PRKN: variants seen among roughly 807,000 people sequenced by gnomAD.
PRKN encodes the protein E3 ubiquitin-protein ligase parkin.
Under a neutral mutation model 59.5 loss-of-function variants are expected in PRKN, and 56 were observed. The ratio of observed to expected loss-of-function variants is 0.94; its 90% CI spans 0.76 to 1.18. The LOEUF (loss-of-function observed/expected upper bound fraction) is 1.18, where lower values mean the gene tolerates loss of function less well. Among genes scored for constraint, PRKN ranks in the 50% most tolerant of loss-of-function variants. The pLI, the probability that PRKN is intolerant of heterozygous loss-of-function variation, is 0.00. For missense variants in PRKN, 657 were observed against 596.4 expected (o/e 1.10, Z -1.06); for synonymous variants, 250 against 222.1 (o/e 1.13, Z -1.12).
chr6:161,934,785 C>T (rs1037539608), intron 6 of PRKN, among the ~76,000 whole-genome samples: 2 of 152,104 alleles, frequency 1.3e-5, no homozygotes, highest in African/African-American at 4.8e-5. Context: ...GTAAAACAAT[C>T]TCCTCTGACA....
intron 9 of PRKN, among the ~76,000 whole-genome samples, chr6:161,515,032 G>A (rs904982244): frequency 2.0e-5 from 3 of 152,162 alleles, no homozygotes; most frequent in Non-Finnish European, 4.4e-5. Flanking sequence ...GCATAAAAGC[G>A]ACTCTATACA....
At chr6:162,371,814 C>T (rs1437032240) in intron 2 of PRKN, among the ~76,000 whole-genome samples, 3 of 152,166 alleles carry the variant, frequency 2.0e-5, no homozygotes, top group Non-Finnish European at 4.4e-5. Context: ...TATGTTTCTT[C>T]ACCTCCCCTT....
At chr6:161,748,500 A>C (rs1788532821) in intron 7 of PRKN, among the ~76,000 whole-genome samples, 1 of 152,138 alleles carries the variant, frequency 6.6e-6, no homozygotes, top group South Asian at 2.1e-4. Context: ...TTTGGCTCAG[A>C]AAATCACCTC....
intron 5 of PRKN, among the ~76,000 whole-genome samples, chr6:161,993,242 A>T (rs1781718780): frequency 6.6e-6 from 1 of 152,096 alleles, no homozygotes; most frequent in African/African-American, 2.4e-5. Flanking sequence ...AGACTCAAAT[A>T]AAAAAAGCAT....
intron 1 of PRKN, among the ~76,000 whole-genome samples, chr6:162,682,416 G>A (rs1342283455): frequency 6.6e-6 from 1 of 152,096 alleles, no homozygotes; most frequent in East Asian, 1.9e-4. Context: ...GGAATATTAT[G>A]CAGCCATAAA....
chr6:161,916,021 T>A (rs1046422304), intron 6 of PRKN, among the ~76,000 whole-genome samples: 3 of 151,910 alleles, frequency 2.0e-5, no homozygotes, highest in African/African-American at 4.8e-5. Flanking sequence ...AAAATAGCTA[T>A]GAATTTACTG....
chr6:162,368,189 C>G (rs540201049), intron 2 of PRKN, among the ~76,000 whole-genome samples: 1 of 152,194 alleles, frequency 6.6e-6, no homozygotes, highest in African/African-American at 2.4e-5. Flanking sequence ...GTTGGGAGAA[C>G]AGGGAATCAC....
chr6:162,629,214 A>C (rs2128222260), intron 1 of PRKN, among the ~76,000 whole-genome samples: 1 of 152,292 alleles, frequency 6.6e-6, no homozygotes, highest in African/African-American at 2.4e-5. Context: ...AGTTATTTAT[A>C]GACTAGAATG....
chr6:162,726,193 T>A (rs377505420), intron 1 of PRKN, among the ~76,000 whole-genome samples: 1 of 152,254 alleles, frequency 6.6e-6, no homozygotes, highest in African/African-American at 2.4e-5. Flanking sequence ...TGTCTTTATA[T>A]AGCTTTACAA....
At chr6:162,121,355 C>T (rs754391105) in intron 4 of PRKN, among the ~76,000 whole-genome samples, 17 of 152,168 alleles carry the variant, frequency 1.1e-4, no homozygotes, top group South Asian at 2.1e-4. Context: ...TGAATGCTTC[C>T]GAGCATGTGA....
intron 1 of PRKN, among the ~76,000 whole-genome samples, chr6:162,620,292 G>A: frequency 6.6e-6 from 1 of 152,114 alleles, no homozygotes; most frequent in Admixed American, 6.6e-5. Flanking sequence ...AGGAACTGCT[G>A]CGTAGACACT....
chr6:161,572,072 C>T (rs534530881), intron 7 of PRKN, among the ~76,000 whole-genome samples: 1 of 152,234 alleles, frequency 6.6e-6, no homozygotes, highest in South Asian at 2.1e-4. Context: ...GCTTGGCCGC[C>T]ATAATTGTGT....
intron 7 of PRKN, among the ~76,000 whole-genome samples, chr6:161,647,647 A>G (rs1406855738): frequency 6.6e-6 from 1 of 152,068 alleles, no homozygotes; most frequent in Non-Finnish European, 1.5e-5. Context: ...GGCTGTGCTG[A>G]TACAAACATG....
chr6:162,726,639 A>G (rs1779210744), intron 1 of PRKN, among the ~76,000 whole-genome samples: 1 of 152,216 alleles, frequency 6.6e-6, no homozygotes. Flanking sequence ...TTCAGTGCAT[A>G]AAGATCATAT....
rs1415829320 is a variant in PRKN at position 161,710,138 on chromosome 6, AAG to A, written c.871+75632_871+75633del. Reference sequence around the variant, plus strand: ...CAATTAAAAAAAAAAACCTACAGAAAAGAGAGGGAAAAATTCCCCATGAAGCT... The same window carrying A: ...CAATTAAAAAAAAAAACCTACAGAAAAGAGGGAAAAATTCCCCATGAAGCT... On this transcript the variant is annotated intron_variant, in intron 7 of 11. Transcript: ENST00000366898. Among the ~76,000 whole-genome samples the A allele has an allele frequency of 3.3e-5, 5 of 152,202 alleles. No individual in the cohort carries two copies. In the East Asian group the frequency reaches 9.7e-4, roughly 29 times the overall value.
intron 6 of PRKN, among the ~76,000 whole-genome samples, chr6:161,947,059 T>C (rs1779809813): frequency 2.0e-5 from 3 of 152,324 alleles, no homozygotes; most frequent in Admixed American, 6.5e-5. Flanking sequence ...TAAATTTGAG[T>C]ACATATGTTG....
chr6:162,693,604 A>G (rs1777860553), intron 1 of PRKN, among the ~76,000 whole-genome samples: 1 of 152,172 alleles, frequency 6.6e-6, no homozygotes, highest in Non-Finnish European at 1.5e-5. Context: ...CAGCCATTAA[A>G]TTTCATTCTT....
rs1382089937 is a variant in PRKN, at chr6:161,902,556, A to ATCTATTTTTTTTTTTTTTTTT, written c.734+70745_734+70746insAAAAAAAAAAAAAAAAATAGA. Among the ~76,000 whole-genome samples the ATCTATTTTTTTTTTTTTTTTT allele has an allele frequency of 1.0e-4, 12 of 118,194 alleles. 1 individual carries two copies. The highest frequency in any genetic ancestry group is 1.7e-4 in the Admixed American group (2 of 11,558). The allele number at this position is 118,194 out of a possible 152,430, so 77.5% of individuals were successfully genotyped here. ...TATCTATCTATCTATCTATTTATTT[A>ATCTATTTTTTTTTTTTTTTTT]TTTATTTATTTTTTTTTTTTTGCGA... is the stretch of plus-strand genomic sequence containing the variant. On this transcript the variant is annotated intron_variant, in intron 6 of 11. Transcript: ENST00000366898.
chr6:162,289,618 AC>A (rs1169294780), intron 2 of PRKN, among the ~76,000 whole-genome samples: 1 of 151,672 alleles, frequency 6.6e-6, no homozygotes, highest in African/African-American at 2.4e-5. Flanking sequence ...AATTACTTGA[AC>A]CTGGGAGATG....
Sources: allele counts gnomAD v4.1 joint callset (sites outside exome capture counted in the v4.1 genomes callset), GRCh38; gene constraint gnomAD v4.1.1; transcripts MANE v1.5; gene names NCBI Gene and HGNC (gene_info 2026-07-23, HGNC 2026-07-21).